The following ZCCHC8 variants were observed in gnomAD, a reference collection of about 807,000 sequenced individuals.
ZCCHC8 encodes the protein zinc finger CCHC domain-containing protein 8.
ZCCHC8 carries 27 observed loss-of-function variants against 70.6 expected under a neutral mutation model. The ratio of observed to expected loss-of-function variants is 0.38; its 90% CI spans 0.28 to 0.53. The LOEUF (loss-of-function observed/expected upper bound fraction) is 0.53, where lower values mean the gene tolerates loss of function less well. Ranked by LOEUF, ZCCHC8 falls within the 20% of genes least tolerant of loss-of-function variation. The probability of loss-of-function intolerance (pLI) is 0.81; values close to 1 mark genes in which losing one functional copy is unlikely to be tolerated. For synonymous variants in ZCCHC8, 293 were observed against 317.4 expected (o/e 0.92, Z 0.82); for missense variants, 737 against 876.9 (o/e 0.84, Z 2.01).
At chr12:122,480,131 C>A in intron 11 of ZCCHC8, 59 bp downstream of exon 11, 1 of 1,448,428 alleles carries the variant, frequency 6.9e-7, no homozygotes, top group Non-Finnish European at 9.4e-7. Flanking sequence ...ATATTTTGAC[C>A]AATCTTTAAC....
intron 11 of ZCCHC8, among the ~76,000 whole-genome samples, chr12:122,479,671 C>A (rs1957492032): frequency 6.6e-6 from 1 of 152,252 alleles, no homozygotes; most frequent in African/African-American, 2.4e-5. Context: ...GATTTAGATA[C>A]TCTAACCAAT....
At position 122,500,654 on chromosome 12, in the gene ZCCHC8, G is replaced by T; in HGVS notation, c.187C>A (p.Leu63Ile). The change falls in exon 1 of 14, where the codon CTC becomes ATC. Residue 63 changes from leucine to isoleucine, a missense_variant. Transcript: ENST00000633063. This position sits in a 1 kb window ranked among gnomAD's most constrained non-coding sequence, Gnocchi z 4.8. The part of the protein sequence containing the change: ...LRQCEETIEQ[L>I]RAENQELKRK... ...GAGGAAAGGATATTCTCGGCGCGGA[G>T]CTGCTCGATGGTCTCCTCGCACTGC... is the stretch of plus-strand genomic sequence containing the variant. The T allele has an allele frequency of 6.4e-7, 1 of 1,574,676 alleles. No individual in the cohort carries two copies. The highest frequency in any genetic ancestry group is 8.6e-7 in the Non-Finnish European group (1 of 1,161,576).
At chr12:122,487,208 T>C (rs1289349397) in intron 5 of ZCCHC8, among the ~76,000 whole-genome samples, 1 of 152,232 alleles carries the variant, frequency 6.6e-6, no homozygotes, top group Non-Finnish European at 1.5e-5. Flanking sequence ...TTCAGGGCAC[T>C]ACCTTCCCTG....
intron 2 of ZCCHC8, among the ~76,000 whole-genome samples, chr12:122,494,410 A>C (rs1957794737): frequency 6.6e-6 from 1 of 151,736 alleles, no homozygotes; most frequent in Admixed American, 6.6e-5. Context: ...AAAATACAAA[A>C]ATTAGCCATG....
chr12:122,485,066 T>C (rs1957606613), intron 5 of ZCCHC8, among the ~76,000 whole-genome samples: 1 of 152,168 alleles, frequency 6.6e-6, no homozygotes, highest in South Asian at 2.1e-4. Flanking sequence ...TGACCCATGG[T>C]ATGTAGTATA....
At chr12:122,480,106 C>G in intron 11 of ZCCHC8, 84 bp downstream of exon 11, 1 of 1,312,998 alleles carries the variant, frequency 7.6e-7, no homozygotes, top group Non-Finnish European at 1.1e-6. Context: ...GCCACTATGC[C>G]TAGCCAACAA....
intron 5 of ZCCHC8, among the ~76,000 whole-genome samples, chr12:122,487,172 ACTCTGCTTT>A (rs1957657605): frequency 6.6e-6 from 1 of 151,640 alleles, no homozygotes; most frequent in Non-Finnish European, 1.5e-5. Flanking sequence ...CCCCACAGCT[ACTCTGCTTT>A]CTCTGCTTTA....
chr12:122,499,188 AAG>A, intron 1 of ZCCHC8: 1 of 381,734 alleles, frequency 2.6e-6, no homozygotes, highest in Non-Finnish European at 4.8e-6. Context: ...CTATGTGATA[AAG>A]AGAATGCAGT....
intron 10 of ZCCHC8, 162 bp from the exon 11 acceptor site, chr12:122,480,473 C>A: frequency 6.0e-6 from 2 of 331,954 alleles, no homozygotes; most frequent in Non-Finnish European, 1.0e-5. Context: ...TAGGACAGAA[C>A]TTTTTTTTTT....
intron 3 of ZCCHC8, 95 bp from the exon 4 acceptor site, chr12:122,490,662 G>T: frequency 1.4e-6 from 1 of 691,368 alleles, no homozygotes; most frequent in Non-Finnish European, 2.3e-6. Flanking sequence ...AAGTGTGAAT[G>T]TTGTTGTTTT....
chr12:122,496,766 T>C (rs964919875), intron 2 of ZCCHC8, among the ~76,000 whole-genome samples: 3 of 152,140 alleles, frequency 2.0e-5, no homozygotes, highest in Admixed American at 6.6e-5. Flanking sequence ...AGATTACAGG[T>C]GTGAGCCATT....
chr12:122,499,269 C>CT (rs570830096), intron 1 of ZCCHC8: 27,496 of 159,512 alleles, frequency 0.17, 2,352 homozygotes, highest in East Asian at 0.42. Flanking sequence ...ATCCTTTCAA[C>CT]TTTTTTTTTT....
At chr12:122,478,140 T>G (rs919687246) in intron 12 of ZCCHC8, 66 bp downstream of exon 12, 9 of 1,398,868 alleles carry the variant, frequency 6.4e-6, no homozygotes, top group Non-Finnish European at 8.9e-6. Context: ...TGTAAGACGC[T>G]AATAAATTAC....
chr12:122,486,593 A>T (rs1004895127), intron 5 of ZCCHC8, among the ~76,000 whole-genome samples: 3 of 151,202 alleles, frequency 2.0e-5, no homozygotes, highest in African/African-American at 7.3e-5. Context: ...TTTGAGAGAG[A>T]GAGTCTCGCT....
At chr12:122,474,783 G>A (rs1489838723) in intron 13 of ZCCHC8, among the ~76,000 whole-genome samples, 2 of 64,884 alleles carry the variant, frequency 3.1e-5, no homozygotes, top group Non-Finnish European at 9.7e-5. Flanking sequence ...CACCCAGGCT[G>A]GAGTGCAGTG....
In ZCCHC8 at chr12:122,471,926, C is replaced by T. The variant is rs1346188900; in HGVS notation, c.*1571G>A. 1 of 152,150 alleles carries T rather than the reference C, an allele frequency of 6.6e-6. No homozygotes were observed. Among genetic ancestry groups the T allele is most frequent in the Non-Finnish European group, 1.5e-5 (1 of 68,020 alleles). 9.4% of individuals were successfully genotyped at this position (152,150 alleles called of 1,614,324 possible). On this transcript the variant is annotated 3_prime_UTR_variant, in exon 14 of 14. Transcript: ENST00000633063. Reference sequence around the variant, plus strand: ...AATATAAAGATGTAATGGCATTCCACAGAAAGACCTAAACCACAGTTTCAG... The same window carrying T: ...AATATAAAGATGTAATGGCATTCCATAGAAAGACCTAAACCACAGTTTCAG...
rs377098148 is a variant in ZCCHC8 at position 122,489,412 on chromosome 12, T to C, written c.475A>G (p.Ile159Val). The C allele has an allele frequency of 3.7e-6, 6 of 1,613,622 alleles. No homozygotes were observed. Among genetic ancestry groups the C allele is most frequent in the Non-Finnish European group, 4.2e-6 (5 of 1,179,688 alleles). The change falls in exon 5 of 14, where the codon ATT becomes GTT. Residue 159 changes from isoleucine (I) to valine (V), a missense_variant. Physicochemically the swap from Ile to Val is conservative, Grantham distance 29. Transcript: ENST00000633063. ...EDHKVEESCA[I>V]KNNKEAFSVV... is the part of the protein sequence containing the mutation. ...CTGAAAGCTTCCTTGTTGTTTTTAATGGCACAGGACTCTTCCACTTTGTGG... is the reference window on the plus strand; with the variant it reads ...CTGAAAGCTTCCTTGTTGTTTTTAACGGCACAGGACTCTTCCACTTTGTGG...
intron 2 of ZCCHC8, among the ~76,000 whole-genome samples, chr12:122,497,153 CA>C (rs113245489): frequency 0.024 from 3,429 of 142,280 alleles, 116 homozygotes; most frequent in African/African-American, 0.078. Context: ...GACTCCATCT[CA>C]AAAAAAAAAA....
intron 3 of ZCCHC8, chr12:122,492,167 T>C (rs1243472123): frequency 1.3e-5 from 2 of 154,208 alleles, no homozygotes; most frequent in Admixed American, 1.3e-4. Flanking sequence ...GCAAACCATT[T>C]TAGACCTTAC....
Sources: allele counts gnomAD v4.1 joint callset (sites outside exome capture counted in the v4.1 genomes callset), GRCh38; gene constraint gnomAD v4.1.1; non-coding constraint Gnocchi (gnomAD v3.1); transcripts MANE v1.5; gene names NCBI Gene and HGNC (gene_info 2026-07-23, HGNC 2026-07-21).